The following PCDHA9 variants were observed in gnomAD, a reference collection of about 807,000 sequenced individuals.
The protein encoded by PCDHA9 is protocadherin alpha 9, also known as protocadherin alpha-9.
In PCDHA9, 62 loss-of-function variants were observed where a neutral mutation model predicts 62.0. The observed-to-expected ratio is 1.00, with a 90% CI of 0.81 to 1.23. PCDHA9 has a LOEUF of 1.23. Among genes scored for constraint, PCDHA9 ranks in the 50% most tolerant of loss-of-function variants. The probability of loss-of-function intolerance (pLI) is 0.00; values close to 1 mark genes in which losing one functional copy is unlikely to be tolerated. For synonymous variants in PCDHA9, 557 were observed against 567.6 expected (o/e 0.98, Z 0.27); for missense variants, 1,205 against 1,249.8 (o/e 0.96, Z 0.54).
At chr5:140,950,914 T>C (rs1198787949) in intron 1 of PCDHA9, among the ~76,000 whole-genome samples, 1 of 152,044 alleles carries the variant, frequency 6.6e-6, no homozygotes, top group African/African-American at 2.4e-5. Flanking sequence ...TTTATTTTAT[T>C]TCAGTTCTTT....
intron 1 of PCDHA9, among the ~76,000 whole-genome samples, chr5:140,947,681 C>T (rs976876831): frequency 3.3e-5 from 5 of 151,572 alleles, no homozygotes; most frequent in Non-Finnish European, 5.9e-5. Context: ...AAAAAATTGT[C>T]TCAGCATGTT....
chr5:140,968,823 A>G (rs569036779), intron 1 of PCDHA9: 3 of 1,614,192 alleles, frequency 1.9e-6, no homozygotes, highest in Non-Finnish European at 2.5e-6. Context: ...AGGGTTTCCA[A>G]AATCCTCCCT....
intron 1 of PCDHA9, chr5:140,853,622 T>C: frequency 2.0e-6 from 2 of 988,456 alleles, no homozygotes; most frequent in Non-Finnish European, 2.4e-6. Context: ...TAAATAAGTA[T>C]ACAAGATCAC....
intron 3 of PCDHA9, among the ~76,000 whole-genome samples, chr5:140,986,707 A>G (rs2097210304): frequency 6.6e-6 from 1 of 152,186 alleles, no homozygotes; most frequent in Admixed American, 6.5e-5. Flanking sequence ...AGCACTGCAG[A>G]AGATAACATT....
At chr5:140,858,647 A>T in intron 1 of PCDHA9, 1 of 821,512 alleles carries the variant, frequency 1.2e-6, no homozygotes, top group Non-Finnish European at 1.8e-6. Context: ...ATTGGTACTT[A>T]AATTTTTTTA....
chr5:140,990,189 A>C (rs2097379694), intron 3 of PCDHA9, among the ~76,000 whole-genome samples: 1 of 152,218 alleles, frequency 6.6e-6, no homozygotes, highest in Non-Finnish European at 1.5e-5. Flanking sequence ...TAAGAACCAA[A>C]TGTGGACCCG....
chr5:140,868,994 A>C, intron 1 of PCDHA9: 1 of 1,510,848 alleles, frequency 6.6e-7, no homozygotes, highest in Non-Finnish European at 8.8e-7. Context: ...GCCACCGTTT[A>C]AGGATCCTTT....
At chr5:140,977,591 A>T (rs1267599253) in intron 1 of PCDHA9, among the ~76,000 whole-genome samples, 2 of 152,164 alleles carry the variant, frequency 1.3e-5, no homozygotes, top group African/African-American at 4.8e-5. Context: ...AGCAGTTAGC[A>T]TGTGAGGACC....
At chr5:140,875,242 T>A in intron 1 of PCDHA9, 1 of 943,028 alleles carries the variant, frequency 1.1e-6, no homozygotes, top group Non-Finnish European at 1.5e-6. Flanking sequence ...TGTACTTACA[T>A]AATCAGTCAC....
chr5:140,927,294 C>T (rs781944508), intron 1 of PCDHA9: 10 of 1,614,062 alleles, frequency 6.2e-6, no homozygotes, highest in South Asian at 3.3e-5. Context: ...TGCACATCCC[C>T]GAGTTCCTGA....
chr5:140,850,264 T>A lies in PCDHA9; in HGVS notation c.1769T>A (p.Val590Glu). ...MVLRSVGAGV[V>E]VGKVRAVDAD... Reference sequence around the variant, plus strand: ...CTGCGGTCGGTGGGCGCCGGCGTAGTGGTGGGGAAGGTGCGCGCAGTGGAC... The same window carrying A: ...CTGCGGTCGGTGGGCGCCGGCGTAGAGGTGGGGAAGGTGCGCGCAGTGGAC... Residue 590 changes from valine (V) to glutamate (E), a missense_variant, in exon 1 of 4, where the codon GTG becomes GAG. Physicochemically the swap from Val to Glu is moderately radical, Grantham distance 121. Coordinates refer to ENST00000532602, the MANE Select transcript of PCDHA9 (RefSeq NM_031857.2). 6.3e-7 allele frequency: 1 copy of A among 1,594,136 alleles called. No homozygotes were observed. The highest frequency in any genetic ancestry group is 8.6e-7 in the Non-Finnish European group (1 of 1,167,118).
intron 1 of PCDHA9, among the ~76,000 whole-genome samples, chr5:140,898,137 G>C (rs1554187832): frequency 6.6e-6 from 1 of 152,098 alleles, no homozygotes; most frequent in African/African-American, 2.4e-5. Flanking sequence ...CATTTTGTAG[G>C]TTGCCTGTTC....
At chr5:140,881,347 C>T in intron 1 of PCDHA9, 1 of 985,212 alleles carries the variant, frequency 1.0e-6, no homozygotes, top group Non-Finnish European at 1.2e-6. Context: ...ATTCGGGCTA[C>T]AATGCGTGGC....
At chr5:140,926,650 T>G (rs1014447499) in intron 1 of PCDHA9, 13 of 487,778 alleles carry the variant, frequency 2.7e-5, no homozygotes, top group Middle Eastern at 5.5e-4. Flanking sequence ...CCCGGCCGGC[T>G]CCGCTTTCCC....
In PCDHA9 at chr5:140,850,440, G is replaced by A. The variant is rs2150484697; in HGVS notation, c.1945G>A (p.Val649Met). ...GGACGCACCGCGCCAGCGCCTACTG[G>A]TGCTGGTGAAAGACCACGGGGAGCC... The part of the protein sequence containing the change: ...ETDAPRQRLL[V>M]LVKDHGEPAL... Residue 649 changes from valine to methionine, a missense_variant, in exon 1 of 4, where the codon GTG becomes ATG. By Grantham distance (21) the Val-to-Met change is conservative (BLOSUM62 1). Transcript: ENST00000532602. 3 of 1,598,068 alleles carry A rather than the reference G, an allele frequency of 1.9e-6. No individual in the cohort carries two copies. Among genetic ancestry groups the A allele is most frequent in the South Asian group, 1.1e-5 (1 of 90,508 alleles).
chr5:140,941,206 T>TCTTC (rs201128549), intron 1 of PCDHA9, among the ~76,000 whole-genome samples: 3,670 of 95,482 alleles, frequency 0.038, 169 homozygotes, highest in African/African-American at 0.16. Flanking sequence ...TTTCTTCCTT[T>TCTTC]CTTTCTTCCT....
intron 1 of PCDHA9, among the ~76,000 whole-genome samples, chr5:140,970,698 A>G (rs2096425914): frequency 6.6e-6 from 1 of 152,228 alleles, no homozygotes; most frequent in Non-Finnish European, 1.5e-5. Flanking sequence ...TTTTAGAGCT[A>G]CTACACAATG....
intron 3 of PCDHA9, among the ~76,000 whole-genome samples, chr5:140,989,192 C>A (rs1458235302): frequency 6.6e-6 from 1 of 152,192 alleles, no homozygotes; most frequent in African/African-American, 2.4e-5. Context: ...GAATTACCCT[C>A]CCTTCTAGCT....
chr5:140,886,565 C>T (rs1298575680), intron 1 of PCDHA9, among the ~76,000 whole-genome samples: 1 of 152,100 alleles, frequency 6.6e-6, no homozygotes, highest in Admixed American at 6.5e-5. Flanking sequence ...CGGTGGCTCA[C>T]GCCTGTAATC....
Sources: allele counts gnomAD v4.1 joint callset (sites outside exome capture counted in the v4.1 genomes callset), GRCh38; gene constraint gnomAD v4.1.1; transcripts MANE v1.5; gene names NCBI Gene and HGNC (gene_info 2026-07-23, HGNC 2026-07-21).